The following ZNF277 variants were observed in gnomAD, a reference collection of about 807,000 sequenced individuals.
The protein encoded by ZNF277 is zinc finger protein 277.
ZNF277 carries 55 observed loss-of-function variants against 60.7 expected under a neutral mutation model. That is an observed-to-expected ratio of 0.91 (90% CI 0.73 to 1.13). The LOEUF (loss-of-function observed/expected upper bound fraction) is 1.13. ZNF277 is among the 50% of genes most tolerant of loss of function. The pLI, the probability that ZNF277 is intolerant of heterozygous loss-of-function variation, is 0.00. For missense variants in ZNF277, 510 were observed against 523.0 expected (o/e 0.98, Z 0.24); for synonymous variants, 178 against 179.3 (o/e 0.99, Z 0.06).
At chr7:112,207,486 C>T (rs1369520333) in intron 1 of ZNF277, among the ~76,000 whole-genome samples, 1 of 152,192 alleles carries the variant, frequency 6.6e-6, no homozygotes, top group Non-Finnish European at 1.5e-5. Context: ...CTCGTGGCTT[C>T]AAAGAACATT....
At chr7:112,308,404 A>G (rs1792648460) in intron 4 of ZNF277, among the ~76,000 whole-genome samples, 1 of 151,966 alleles carries the variant, frequency 6.6e-6, no homozygotes, top group South Asian at 2.1e-4. Context: ...GTAATCGCAG[A>G]TACTTGGGAG....
intron 7 of ZNF277, among the ~76,000 whole-genome samples, chr7:112,332,141 G>A (rs565149224): frequency 1.3e-5 from 2 of 152,206 alleles, no homozygotes; most frequent in African/African-American, 2.4e-5. Context: ...ATTAAGAGAA[G>A]TGTTTCAAAA....
intron 7 of ZNF277, among the ~76,000 whole-genome samples, chr7:112,335,795 G>T (rs1042106424): frequency 6.6e-6 from 1 of 152,072 alleles, no homozygotes; most frequent in African/African-American, 2.4e-5. Flanking sequence ...CTCATTCAGG[G>T]TTTAGAAACA....
chr7:112,318,642 G>C (rs535611975), intron 5 of ZNF277, among the ~76,000 whole-genome samples: 2 of 152,140 alleles, frequency 1.3e-5, no homozygotes, highest in East Asian at 1.9e-4. Context: ...ACATAAAAAA[G>C]AAGTGGGGGC....
chr7:112,254,059 T>A (rs1253608365), intron 1 of ZNF277, among the ~76,000 whole-genome samples: 1 of 152,248 alleles, frequency 6.6e-6, no homozygotes, highest in East Asian at 1.9e-4. Flanking sequence ...CATGAAACAC[T>A]ATTTTCTTTC....
chr7:112,222,296 C>T (rs1404769758), intron 1 of ZNF277, among the ~76,000 whole-genome samples: 2 of 152,182 alleles, frequency 1.3e-5, no homozygotes, highest in Admixed American at 6.5e-5. Context: ...TAGAATTCAG[C>T]GGTGACATCG....
chr7:112,281,738 T>C (rs1791949050), intron 1 of ZNF277, among the ~76,000 whole-genome samples: 1 of 152,232 alleles, frequency 6.6e-6, no homozygotes, highest in South Asian at 2.1e-4. Flanking sequence ...TTATTCATTC[T>C]TTTATGTCTT....
At chr7:112,316,117 A>G (rs1244933753) in intron 4 of ZNF277, among the ~76,000 whole-genome samples, 2 of 152,186 alleles carry the variant, frequency 1.3e-5, no homozygotes, top group Non-Finnish European at 2.9e-5. Flanking sequence ...ACAGGGAGTC[A>G]GTAGATAGTT....
chr7:112,213,954 G>T (rs1411205178), intron 1 of ZNF277, among the ~76,000 whole-genome samples: 1 of 152,164 alleles, frequency 6.6e-6, no homozygotes, highest in Non-Finnish European at 1.5e-5. Context: ...TAATAGTCTG[G>T]TCTTCAATTG....
At chr7:112,332,772 C>T (rs1040878107) in intron 7 of ZNF277, among the ~76,000 whole-genome samples, 3 of 152,078 alleles carry the variant, frequency 2.0e-5, no homozygotes, top group Admixed American at 1.3e-4. Flanking sequence ...GTGTTGATGC[C>T]TTAGCATTAT....
Position 112,337,772 on chromosome 7 carries a change from CT to C in ZNF277, c.914del (p.Leu305TyrfsTer28). On this transcript the variant is annotated frameshift_variant, in exon 9 of 12. Transcript: ENST00000361822. LOFTEE classifies it high-confidence loss of function. ...AAGAACACCCTGCCTCTGCAGTCTG[CT>C]TATTTTGTGAAAAGCAAGCAGAAAC... is the stretch of plus-strand genomic sequence containing the variant. ...WEEHPASAVC[L>X]FCEKQAETIE... 1 of 1,612,534 alleles carries C rather than the reference CT, an allele frequency of 6.2e-7. No individual in the cohort carries two copies.
At chr7:112,276,156 G>T (rs1356917160) in intron 1 of ZNF277, among the ~76,000 whole-genome samples, 1 of 152,304 alleles carries the variant, frequency 6.6e-6, no homozygotes, top group East Asian at 1.9e-4. Flanking sequence ...TAGACAAAAA[G>T]AATAGATTTG....
chr7:112,207,332 G>T (rs755657599), intron 1 of ZNF277, among the ~76,000 whole-genome samples: 2 of 152,160 alleles, frequency 1.3e-5, no homozygotes, highest in Non-Finnish European at 2.9e-5. Flanking sequence ...GGTGACCTCT[G>T]AAGGGAAAGT....
At chr7:112,252,331 C>T (rs1400980080) in intron 1 of ZNF277, among the ~76,000 whole-genome samples, 1 of 152,042 alleles carries the variant, frequency 6.6e-6, no homozygotes, top group Non-Finnish European at 1.5e-5. Flanking sequence ...AATAAAGTGC[C>T]TTTGTCACCA....
intron 1 of ZNF277, among the ~76,000 whole-genome samples, chr7:112,245,911 CTTATA>C (rs1410424820): frequency 6.6e-6 from 1 of 152,168 alleles, no homozygotes; most frequent in Non-Finnish European, 1.5e-5. Flanking sequence ...CACTGGATAT[CTTATA>C]ATAGCCAATG....
intron 1 of ZNF277, among the ~76,000 whole-genome samples, chr7:112,262,064 G>T (rs754080941): frequency 6.6e-6 from 1 of 151,784 alleles, no homozygotes; most frequent in Non-Finnish European, 1.5e-5. Flanking sequence ...ATAGAAATTG[G>T]TGTTCCCTAA....
In ZNF277 at chr7:112,336,134, T is replaced by C. The variant is rs772362086; in HGVS notation, c.832T>C (p.Leu278=). The C allele has an allele frequency of 8.1e-6, 13 of 1,610,144 alleles. No homozygotes were observed. The highest frequency in any genetic ancestry group is 4.4e-5 in the South Asian group (4 of 90,488). Residue 278 remains leucine, a synonymous_variant, in exon 8 of 12, where the codon TTG becomes CTG. Coordinates refer to ENST00000361822, the MANE Select transcript of ZNF277 (RefSeq NM_021994.3). ...ELGKSWEEVQ[L]EDDRELLDHQ... is the part of the protein sequence containing the mutation. ...TGGAAAATCGTGGGAAGAAGTTCAG[T>C]TGGAAGATGATCGGGAGTTGCTGGA...
intron 1 of ZNF277, among the ~76,000 whole-genome samples, chr7:112,210,183 C>G (rs183652105): frequency 6.6e-6 from 1 of 152,100 alleles, no homozygotes; most frequent in African/African-American, 2.4e-5. Context: ...ACCTTTTTGA[C>G]TTCTTGAAAA....
chr7:112,341,112 T>C, intron 11 of ZNF277, 66 bp downstream of exon 11: 1 of 1,441,576 alleles, frequency 6.9e-7, no homozygotes, highest in East Asian at 2.5e-5. Context: ...CTTTATTTAA[T>C]TTCTTTAAGC....
Sources: gnomAD v4.1 joint callset for allele counts (sites outside exome capture counted in the v4.1 genomes callset) on GRCh38, gnomAD v4.1.1 for gene constraint, MANE v1.5 for transcripts, NCBI Gene and HGNC (gene_info 2026-07-23, HGNC 2026-07-21) for gene names.